The following LMNTD1 variants were observed in gnomAD, a reference collection of about 807,000 sequenced individuals.
The protein encoded by LMNTD1 is lamin tail domain containing 1.
A neutral mutation model predicts 50.9 loss-of-function variants in LMNTD1; 35 were observed. The observed-to-expected ratio is 0.69, with a 90% CI of 0.53 to 0.91. The LOEUF (loss-of-function observed/expected upper bound fraction) is 0.91, where lower values mean the gene tolerates loss of function less well. Ranked by LOEUF, LMNTD1 falls within the 40% of genes least tolerant of loss-of-function variation. The pLI is 0.00. For synonymous variants in LMNTD1, 153 were observed against 161.9 expected (o/e 0.94, Z 0.42); for missense variants, 470 against 475.5 (o/e 0.99, Z 0.11).
intron 4 of LMNTD1, among the ~76,000 whole-genome samples, chr12:25,531,574 G>A (rs73298442): frequency 0.019 from 2,950 of 152,002 alleles, 111 homozygotes; most frequent in African/African-American, 0.067. Context: ...TTTAAAAAGT[G>A]TTTTTGTTTT....
At chr12:25,559,354 G>C (rs1035979701) in intron 1 of LMNTD1, among the ~76,000 whole-genome samples, 1 of 151,978 alleles carries the variant, frequency 6.6e-6, no homozygotes, top group Non-Finnish European at 1.5e-5. Flanking sequence ...CTTCATCCAC[G>C]TCCCTTCAAA....
intron 1 of LMNTD1, among the ~76,000 whole-genome samples, chr12:25,639,792 C>T (rs1023944403): frequency 5.9e-5 from 9 of 152,258 alleles, no homozygotes; most frequent in African/African-American, 2.2e-4. Context: ...GGCAATTCCA[C>T]ACCTAGATCT....
chr12:25,487,024 T>G (rs1232664091), intron 9 of LMNTD1, among the ~76,000 whole-genome samples: 1 of 151,344 alleles, frequency 6.6e-6, no homozygotes, highest in Non-Finnish European at 1.5e-5. Context: ...TCTGTTCTTT[T>G]ACATTTGCTG....
intron 3 of LMNTD1, among the ~76,000 whole-genome samples, chr12:25,546,954 C>G (rs1011766769): frequency 6.6e-6 from 1 of 151,556 alleles, no homozygotes. Context: ...CTAAAATTCC[C>G]AAATGGCTAC....
intron 1 of LMNTD1, among the ~76,000 whole-genome samples, chr12:25,583,953 A>G (rs910193159): frequency 1.3e-5 from 2 of 152,198 alleles, no homozygotes; most frequent in African/African-American, 4.8e-5. Context: ...TAAGAGAATA[A>G]GAAGCAGAGA....
intron 1 of LMNTD1, among the ~76,000 whole-genome samples, chr12:25,608,344 T>C (rs145561561): frequency 0.026 from 4,026 of 152,324 alleles, 75 homozygotes; most frequent in Non-Finnish European, 0.039. Context: ...TTAAGGTTAA[T>C]ATTGTGATCT....
chr12:25,642,579 A>G (rs75446723), intron 1 of LMNTD1, among the ~76,000 whole-genome samples: 4,280 of 152,340 alleles, frequency 0.028, 88 homozygotes, highest in Middle Eastern at 0.061. Context: ...ACAACACTCC[A>G]TCTGTCTTTG....
At chr12:25,619,262 A>C (rs767744129) in intron 1 of LMNTD1, among the ~76,000 whole-genome samples, 7,192 of 67,480 alleles carry the variant, frequency 0.11, 209 homozygotes, top group East Asian at 0.17. Context: ...CTATATATAT[A>C]TATATATATA....
intron 1 of LMNTD1, among the ~76,000 whole-genome samples, chr12:25,573,745 G>A (rs1218472787): frequency 1.3e-5 from 2 of 152,014 alleles, no homozygotes; most frequent in Admixed American, 6.6e-5. Flanking sequence ...TTTTCCTCGC[G>A]GCTTGATTTT....
At chr12:25,559,856 G>A (rs1263250856) in intron 1 of LMNTD1, among the ~76,000 whole-genome samples, 1 of 152,206 alleles carries the variant, frequency 6.6e-6, no homozygotes, top group African/African-American at 2.4e-5. Flanking sequence ...TTTGAGAAGT[G>A]TCTGTTCATA....
intron 9 of LMNTD1, among the ~76,000 whole-genome samples, chr12:25,496,748 T>C (rs935984727): frequency 7.9e-5 from 12 of 152,192 alleles, no homozygotes; most frequent in African/African-American, 2.7e-4. Context: ...ACCATTTTAG[T>C]GTACAATTCA....
chr12:25,506,994 C>G (rs1440541477), intron 8 of LMNTD1, among the ~76,000 whole-genome samples: 2 of 152,048 alleles, frequency 1.3e-5, no homozygotes, highest in Admixed American at 6.6e-5. Context: ...ATTCTTGTGC[C>G]TCGGCCTCCC....
intron 6 of LMNTD1, among the ~76,000 whole-genome samples, chr12:25,522,840 T>C (rs77342212): frequency 0.02 from 3,070 of 152,246 alleles, 78 homozygotes; most frequent in African/African-American, 0.058. Context: ...TCTCTTACTT[T>C]ACAGATGGGA....
At chr12:25,545,254 T>TTAA (rs1411771355) in intron 4 of LMNTD1, among the ~76,000 whole-genome samples, 1 of 151,698 alleles carries the variant, frequency 6.6e-6, no homozygotes, top group Non-Finnish European at 1.5e-5. Context: ...TAGCAGGGTT[T>TTAA]TAACACATTA....
intron 9 of LMNTD1, among the ~76,000 whole-genome samples, chr12:25,493,040 C>T (rs1047094868): frequency 2.6e-5 from 4 of 152,182 alleles, no homozygotes; most frequent in Admixed American, 2.0e-4. Context: ...TCTAGCCTGT[C>T]TCTTAAAATC....
chr12:25,624,062 A>G (rs1368581272), intron 1 of LMNTD1, among the ~76,000 whole-genome samples: 2 of 152,208 alleles, frequency 1.3e-5, no homozygotes, highest in African/African-American at 4.8e-5. Context: ...AGCCCAACCT[A>G]TCTTTGGCAT....
chr12:25,626,950 C>A (rs954327110), intron 1 of LMNTD1, among the ~76,000 whole-genome samples: 3 of 152,208 alleles, frequency 2.0e-5, no homozygotes, highest in Admixed American at 2.0e-4. Context: ...ATGTTTGATG[C>A]ACTCTTGCAC....
intron 1 of LMNTD1, among the ~76,000 whole-genome samples, chr12:25,560,438 T>C (rs1189438366): frequency 6.6e-6 from 1 of 152,176 alleles, no homozygotes; most frequent in South Asian, 2.1e-4. Context: ...CTGTTTTGGT[T>C]ACTCTAGCCT....
chr12:25,491,746 CAGG>C (rs538813865), intron 9 of LMNTD1, among the ~76,000 whole-genome samples: 82 of 152,302 alleles, frequency 5.4e-4, no homozygotes, highest in South Asian at 1.7e-3. Flanking sequence ...GGGAATTCAC[CAGG>C]AGGTCATTAG....
Sources: gnomAD v4.1 joint callset for allele counts (sites outside exome capture counted in the v4.1 genomes callset) on GRCh38, gnomAD v4.1.1 for gene constraint, MANE v1.5 for transcripts, NCBI Gene and HGNC (gene_info 2026-07-23, HGNC 2026-07-21) for gene names.